NOS1: variants seen among roughly 807,000 people sequenced by gnomAD.
The protein encoded by NOS1 is NOS type I.
In NOS1, 51 loss-of-function variants were observed where a neutral mutation model predicts 164.5. The ratio of observed to expected loss-of-function variants is 0.31; its 90% confidence interval spans 0.25 to 0.39. NOS1 has a LOEUF of 0.39. Ranked by LOEUF, NOS1 falls within the 10% of genes least tolerant of loss-of-function variation. The pLI, the probability that NOS1 is intolerant of heterozygous loss-of-function variation, is 1.00. For missense variants in NOS1, 1,362 were observed against 1,885.6 expected, an observed-to-expected ratio of 0.72 and a Z score of 5.14; for synonymous variants, 719 against 745.8, an observed-to-expected ratio of 0.96 and a Z score of 0.59.
chr12:117,248,290 C>A (rs1870806149), intron 17 of NOS1, among the ~76,000 whole-genome samples: 2 of 151,744 alleles, frequency 1.3e-5, no homozygotes, highest in Admixed American at 6.6e-5. Context: ...TGGTGTGCTG[C>A]ACCCACTAAC....
chr12:117,326,397 A>AC (rs775062569), intron 2 of NOS1, among the ~76,000 whole-genome samples: 1 of 5,000 alleles, frequency 2.0e-4, no homozygotes, highest in Non-Finnish European at 3.8e-4. Flanking sequence ...AAAAAAAAAA[A>AC]AAAACAAAAA....
At chr12:117,300,560 G>C (rs1873752160) in intron 3 of NOS1, among the ~76,000 whole-genome samples, 1 of 152,138 alleles carries the variant, frequency 6.6e-6, no homozygotes. Context: ...TGGAAGGAAG[G>C]AAGATGCCTC....
chr12:117,310,194 G>A (rs972464306), intron 3 of NOS1, among the ~76,000 whole-genome samples: 1 of 152,080 alleles, frequency 6.6e-6, no homozygotes, highest in Non-Finnish European at 1.5e-5. Flanking sequence ...GGCGTGAGCC[G>A]CCATGCCTGG....
chr12:117,230,189 C>T (rs1191648255), intron 22 of NOS1, among the ~76,000 whole-genome samples: 11 of 152,194 alleles, frequency 7.2e-5, no homozygotes, highest in African/African-American at 2.4e-4. Flanking sequence ...GCTGGGATTA[C>T]AGGCATGAGC....
intron 16 of NOS1, among the ~76,000 whole-genome samples, chr12:117,255,005 T>C (rs1479381450): frequency 1.3e-5 from 2 of 152,168 alleles, no homozygotes; most frequent in Non-Finnish European, 2.9e-5. Flanking sequence ...TAATGCTAAA[T>C]GACGAGTTAA....
At chr12:117,325,044 T>C (rs944735761) in intron 2 of NOS1, among the ~76,000 whole-genome samples, 1 of 152,172 alleles carries the variant, frequency 6.6e-6, no homozygotes, top group Non-Finnish European at 1.5e-5. Flanking sequence ...TGAGAAGCAG[T>C]GATGGCTCCC....
In NOS1 at chr12:117,272,456, T is replaced by C; in HGVS notation, c.1768A>G (p.Ser590Gly). The change falls in exon 10 of 29, where the codon AGT becomes GGT. Residue 590 changes from serine (S) to glycine (G), a missense_variant. Ser to Gly is a moderately conservative substitution (Grantham distance 56, BLOSUM62 0). Transcript: ENST00000317775. The surrounding 1 kb of genome is among the most constrained non-coding windows in gnomAD (Gnocchi z 4.3). ...GGLEFSACPF[S>G]GWYMGTEIGV... is the part of the protein sequence containing the mutation. ...ATCTCTGTGCCCATGTACCAGCCAC[T>C]GAAGGGACAGGCGCTGAACTCCAGG... The C allele has an allele frequency of 6.2e-7, 1 of 1,614,110 alleles. No homozygotes were observed. The highest frequency in any genetic ancestry group is 8.5e-7 in the Non-Finnish European group (1 of 1,180,016).
At chr12:117,226,581 G>A (rs1868693992) in intron 24 of NOS1, 102 bp downstream of exon 24, 1 of 947,578 alleles carries the variant, frequency 1.1e-6, no homozygotes, top group Non-Finnish European at 1.7e-6. Flanking sequence ...GTGTCACCCA[G>A]CCATCTCTCT....
At chr12:117,226,863 G>T in intron 23 of NOS1, 93 bp from the exon 24 acceptor site, 1 of 926,050 alleles carries the variant, frequency 1.1e-6, no homozygotes, top group Non-Finnish European at 1.7e-6. Context: ...CAGGCCCAGT[G>T]CCAAGTTTAT....
At chr12:117,307,470 C>T (rs1874209244) in intron 3 of NOS1, among the ~76,000 whole-genome samples, 1 of 152,168 alleles carries the variant, frequency 6.6e-6, no homozygotes, top group Non-Finnish European at 1.5e-5. Flanking sequence ...AAGCGATACT[C>T]CCGCCTCAAC....
At chr12:117,256,818 T>A (rs1426617544) in intron 16 of NOS1, among the ~76,000 whole-genome samples, 2 of 151,216 alleles carry the variant, frequency 1.3e-5, no homozygotes, top group South Asian at 2.1e-4. Context: ...AGGCCTGTAA[T>A]CCCAGCACTT....
intron 3 of NOS1, among the ~76,000 whole-genome samples, chr12:117,311,135 G>A (rs1450416646): frequency 6.6e-6 from 1 of 152,166 alleles, no homozygotes; most frequent in African/African-American, 2.4e-5. Context: ...AAAATGCTGG[G>A]GTTACAGGCA....
rs917930087 is a variant in NOS1 at position 117,212,216 on chromosome 12, G to T, written c.*3093C>A. 5 of 985,354 alleles carry T rather than the reference G, an allele frequency of 5.1e-6. No homozygotes were observed. The highest frequency in any genetic ancestry group is 6.0e-6 in the Non-Finnish European group (5 of 829,906). 61.0% of individuals were successfully genotyped at this position (985,354 alleles called of 1,614,324 possible). The stretch of plus-strand genomic sequence containing the variant: ...TGCAGTAAGTTTTGAACCAGGTACT[G>T]TAACTGGGCATTTCGTGGGCATTGT... On this transcript the variant is annotated 3_prime_UTR_variant, in exon 29 of 29. Transcript: ENST00000317775.
At position 117,208,914 on chromosome 12, in the gene NOS1, G is replaced by A. The variant is rs1267066718; in HGVS notation, c.*6395C>T. On this transcript the variant is annotated 3_prime_UTR_variant, in exon 29 of 29. Transcript: ENST00000317775. ...ATTTTTGTATTTTTAGTAGAGACGAGGTTTTGCCATGTTAGCCAGGTTGGT... is the reference window on the plus strand; with the variant it reads ...ATTTTTGTATTTTTAGTAGAGACGAAGTTTTGCCATGTTAGCCAGGTTGGT... 1 of 661,092 alleles carries A rather than the reference G, an allele frequency of 1.5e-6. No homozygotes were observed. The highest frequency in any genetic ancestry group is 1.9e-6 in the Non-Finnish European group (1 of 533,540). The allele number at this position is 661,092 out of a possible 1,614,324, so 41.0% of individuals were successfully genotyped here. A position where few individuals can be genotyped will look rare whatever the true frequency, so the allele number is the denominator to read the frequency against.
chr12:117,209,012 C>T lies in NOS1; in HGVS notation c.*6297G>A. 1.0e-6 allele frequency: 1 copy of T among 984,814 alleles called. No homozygotes were observed. Among genetic ancestry groups the T allele is most frequent in the Non-Finnish European group, 1.2e-6 (1 of 829,472 alleles). 61.0% of individuals were successfully genotyped at this position (984,814 alleles called of 1,614,324 possible). A position where few individuals can be genotyped will look rare whatever the true frequency, so the allele number is the denominator to read the frequency against. On this transcript the variant is annotated 3_prime_UTR_variant, in exon 29 of 29. Transcript: ENST00000317775. ...TCCTGTGATTACAGGCATGAGCCACCACGCCTGGCCTGGGAGGGGTTTTTG... is the reference window on the plus strand; with the variant it reads ...TCCTGTGATTACAGGCATGAGCCACTACGCCTGGCCTGGGAGGGGTTTTTG...
At chr12:117,263,801 A>G (rs889558469) in intron 13 of NOS1, 88 bp downstream of exon 13, 3 of 947,690 alleles carry the variant, frequency 3.2e-6, no homozygotes, top group Admixed American at 1.8e-5. Flanking sequence ...GAGAGGTCAG[A>G]GGGCACAGGA....
At chr12:117,301,659 C>T (rs1873820968) in intron 3 of NOS1, among the ~76,000 whole-genome samples, 1 of 152,186 alleles carries the variant, frequency 6.6e-6, no homozygotes, top group Admixed American at 6.5e-5. Flanking sequence ...GGCCCTCCTG[C>T]TCTTTTCTCT....
At chr12:117,267,024 C>G (rs1425463859) in intron 11 of NOS1, among the ~76,000 whole-genome samples, 1 of 152,260 alleles carries the variant, frequency 6.6e-6, no homozygotes, top group South Asian at 2.1e-4. Context: ...CTCAGTGCAC[C>G]CACTCCATCC....
chr12:117,317,783 T>C (rs2136061306), intron 2 of NOS1, among the ~76,000 whole-genome samples: 1 of 152,246 alleles, frequency 6.6e-6, no homozygotes, highest in Middle Eastern at 3.4e-3. Flanking sequence ...GAGCTTGGCA[T>C]TGTGGTGGCC....
Sources: allele counts gnomAD v4.1 joint callset (sites outside exome capture counted in the v4.1 genomes callset), GRCh38; gene constraint gnomAD v4.1.1; non-coding constraint Gnocchi (gnomAD v3.1); transcripts MANE v1.5; gene names NCBI Gene and HGNC (gene_info 2026-07-23, HGNC 2026-07-21).